Variants in ADGRL2 observed in about 807,000 individuals in gnomAD.
ADGRL2 encodes the protein adhesion G protein-coupled receptor L2.
A neutral mutation model predicts 157.4 loss-of-function variants in ADGRL2; 44 were observed. The ratio of observed to expected loss-of-function variants is 0.28; its 90% CI spans 0.22 to 0.36. The LOEUF (loss-of-function observed/expected upper bound fraction) is 0.36. ADGRL2 is among the 10% of genes least tolerant of loss of function. The pLI is 1.00. For missense variants in ADGRL2, 1,510 were observed against 1,768.9 expected, an observed-to-expected ratio of 0.85 and a Z score of 2.63; for synonymous variants, 585 against 624.7, an observed-to-expected ratio of 0.94 and a Z score of 0.95.
At chr1:81,960,436 A>G (rs1200250191) in intron 11 of ADGRL2, among the ~76,000 whole-genome samples, 1 of 151,870 alleles carries the variant, frequency 6.6e-6, no homozygotes, top group Non-Finnish European at 1.5e-5. Flanking sequence ...AGCCTGATCC[A>G]TCCATTGTAA....
At position 81,872,175 on chromosome 1, in the gene ADGRL2, T is replaced by C. The variant is rs1462781423; in HGVS notation, c.74-34842T>C. On this transcript the variant is annotated intron_variant, in intron 2 of 23. Coordinates refer to ENST00000686636, the MANE Select transcript of ADGRL2 (RefSeq NM_001366006.2). ...TGGCTAGCCAGTTTTCCCAGCACCA[T>C]TTATTAAATAGGGAATCTTTTCTCC... is the stretch of plus-strand genomic sequence containing the variant. Among the ~76,000 whole-genome samples the C allele has an allele frequency of 3.9e-5, 6 of 152,198 alleles. No individual in the cohort carries two copies. The South Asian group carries it at 6.2e-4, about 16-fold the overall frequency.
At chr1:81,574,447 A>G (rs972459548) in intron 2 of ADGRL2, among the ~76,000 whole-genome samples, 1 of 152,140 alleles carries the variant, frequency 6.6e-6, no homozygotes, top group Non-Finnish European at 1.5e-5. Context: ...CAATACCTGA[A>G]AATTTCCTCA....
intron 1 of ADGRL2, among the ~76,000 whole-genome samples, chr1:81,365,652 G>A (rs997386088): frequency 9.2e-5 from 14 of 152,132 alleles, no homozygotes; most frequent in South Asian, 2.1e-4. Flanking sequence ...GAAGGATAAC[G>A]GAGGATCATC....
At chr1:81,734,291 A>AT (rs2084823839) in intron 1 of ADGRL2, among the ~76,000 whole-genome samples, 1 of 151,720 alleles carries the variant, frequency 6.6e-6, no homozygotes, top group Non-Finnish European at 1.5e-5. Context: ...GAAAAAAAAA[A>AT]GTTAAAAAAC....
chr1:81,423,015 G>A (rs1398874169), intron 1 of ADGRL2, among the ~76,000 whole-genome samples: 1 of 152,078 alleles, frequency 6.6e-6, no homozygotes, highest in Non-Finnish European at 1.5e-5. Flanking sequence ...TTTATCCACT[G>A]GAAATCTTTC....
At chr1:81,355,237 T>C (rs1476407563) in intron 1 of ADGRL2, among the ~76,000 whole-genome samples, 1 of 152,164 alleles carries the variant, frequency 6.6e-6, no homozygotes, top group Non-Finnish European at 1.5e-5. Flanking sequence ...CATGTGCCTG[T>C]AGTCCCAGCT....
At chr1:81,848,930 T>C (rs1300006653) in intron 2 of ADGRL2, among the ~76,000 whole-genome samples, 2 of 151,966 alleles carry the variant, frequency 1.3e-5, no homozygotes, top group Non-Finnish European at 2.9e-5. Context: ...ATGCTCCTCC[T>C]GAGCCCCTCC....
At chr1:81,540,486 A>G (rs139565530) in intron 2 of ADGRL2, among the ~76,000 whole-genome samples, 1 of 152,340 alleles carries the variant, frequency 6.6e-6, no homozygotes, top group Non-Finnish European at 1.5e-5. Context: ...CAAGTGCTTG[A>G]AGGAAATGTA....
At chr1:81,476,785 C>T (rs532665592) in intron 2 of ADGRL2, among the ~76,000 whole-genome samples, 3 of 152,242 alleles carry the variant, frequency 2.0e-5, no homozygotes, top group African/African-American at 7.2e-5. Flanking sequence ...GTCATTCTAC[C>T]TTTTTCTCAT....
At chr1:81,669,787 A>G (rs1369439426) in intron 3 of ADGRL2, among the ~76,000 whole-genome samples, 1 of 151,792 alleles carries the variant, frequency 6.6e-6, no homozygotes, top group Non-Finnish European at 1.5e-5. Flanking sequence ...CTAAAAATAC[A>G]AAAAAATTAG....
rs747659748 is a variant in ADGRL2, at chr1:81,466,755, C to G, written c.-248+21666C>G. Among the ~76,000 whole-genome samples the G allele has an allele frequency of 1.1e-4, 17 of 151,990 alleles. 1 individual carries two copies. Among genetic ancestry groups the G allele is most frequent in the Non-Finnish European group, 2.2e-4 (15 of 67,994 alleles). Reference sequence around the variant, plus strand: ...GGCTCATGGGGCTAGCAAGTCTGTTCATTTAATTCCTAGCCAACTCCAGAA... The same window carrying G: ...GGCTCATGGGGCTAGCAAGTCTGTTGATTTAATTCCTAGCCAACTCCAGAA... On this transcript the variant is annotated intron_variant, in intron 2 of 24. Coordinates refer to the ADGRL2 transcript ENST00000370721.
chr1:81,362,111 C>T (rs189538246), intron 1 of ADGRL2, among the ~76,000 whole-genome samples: 1 of 152,068 alleles, frequency 6.6e-6, no homozygotes, highest in Admixed American at 6.6e-5. Flanking sequence ...TTATTTGGCC[C>T]TCCATGGGAT....
intron 1 of ADGRL2, among the ~76,000 whole-genome samples, chr1:81,407,215 G>A (rs995897197): frequency 1.3e-5 from 2 of 152,200 alleles, no homozygotes; most frequent in East Asian, 3.9e-4. Flanking sequence ...TTTCTGGCGA[G>A]AGAGATTTCA....
At chr1:81,586,552 T>C (rs1357753788) in intron 3 of ADGRL2, among the ~76,000 whole-genome samples, 1 of 152,130 alleles carries the variant, frequency 6.6e-6, no homozygotes, top group African/African-American at 2.4e-5. Context: ...TGAAAAAATA[T>C]GTTTATTTGA....
chr1:81,629,634 A>T (rs2081973001), intron 3 of ADGRL2, among the ~76,000 whole-genome samples: 1 of 151,548 alleles, frequency 6.6e-6, no homozygotes, highest in African/African-American at 2.4e-5. Flanking sequence ...GCAACAGAGG[A>T]ATATTTGTTG....
intron 17 of ADGRL2, among the ~76,000 whole-genome samples, chr1:81,973,425 A>G (rs1306044664): frequency 8.5e-5 from 13 of 152,224 alleles, no homozygotes; most frequent in Admixed American, 8.5e-4. Context: ...CCTTCGTCAA[A>G]CACATAAGTT....
At chr1:81,552,645 C>T (rs969277454) in intron 2 of ADGRL2, among the ~76,000 whole-genome samples, 20 of 141,226 alleles carry the variant, frequency 1.4e-4, no homozygotes, top group African/African-American at 5.0e-4. Flanking sequence ...AGAAAAAGAA[C>T]CCCCCAAAAA....
intron 3 of ADGRL2, among the ~76,000 whole-genome samples, chr1:81,917,507 C>T (rs190092509): frequency 3.3e-5 from 5 of 151,930 alleles, no homozygotes; most frequent in Admixed American, 3.3e-4. Context: ...AAGGAAAAAT[C>T]TCATTATGAA....
upstream of ADGRL2, among the ~76,000 whole-genome samples, chr1:81,797,187 T>C (rs528686025): frequency 6.6e-6 from 1 of 152,300 alleles, no homozygotes; most frequent in Non-Finnish European, 1.5e-5. Flanking sequence ...GGAACTGAGT[T>C]AGGTTTAGGA....
Sources: allele counts gnomAD v4.1 joint callset (sites outside exome capture counted in the v4.1 genomes callset), GRCh38; gene constraint gnomAD v4.1.1; transcripts MANE v1.5; gene names NCBI Gene and HGNC (gene_info 2026-07-23, HGNC 2026-07-21).